TRIT1: variants seen among roughly 807,000 people sequenced by gnomAD.
The protein encoded by TRIT1 is tRNA dimethylallyltransferase.
TRIT1 carries 43 observed loss-of-function variants against 51.2 expected under a neutral mutation model. The observed-to-expected ratio is 0.84, with a 90% CI of 0.66 to 1.08. TRIT1 has a LOEUF of 1.08. TRIT1 is among the 50% of genes least tolerant of loss of function. The pLI is 0.00. For synonymous variants in TRIT1, 184 were observed against 203.9 expected (o/e 0.90, Z 0.83); for missense variants, 528 against 578.4 (o/e 0.91, Z 0.89).
intron 6 of TRIT1, 64 bp downstream of exon 6, chr1:39,847,922 G>A (rs1569983835): frequency 1.6e-5 from 23 of 1,479,294 alleles, no homozygotes; most frequent in East Asian, 1.4e-4. Context: ...CAGTATTAGC[G>A]TTATGGTCTT....
In TRIT1 at chr1:39,844,099, A is replaced by G; in HGVS notation, c.1234+2T>C. ...TTCTTCATGCCCCTCCCCATACTCT[A>G]CCTGCCCATTCGCGATCCCCAATGA... On this transcript the variant is annotated splice_donor_variant, in intron 10 of 10. Transcript: ENST00000316891. LOFTEE classifies it high-confidence loss of function. 1 of 1,610,644 alleles carries G rather than the reference A, an allele frequency of 6.2e-7. No individual in the cohort carries two copies. The highest frequency in any genetic ancestry group is 1.3e-5 in the African/African-American group (1 of 74,940).
At chr1:39,882,015 T>C (rs1438916735) in intron 1 of TRIT1, among the ~76,000 whole-genome samples, 1 of 152,260 alleles carries the variant, frequency 6.6e-6, no homozygotes, top group Non-Finnish European at 1.5e-5. Flanking sequence ...GCTCTTATTA[T>C]GTGCCATATA....
At position 39,850,240 on chromosome 1, in the gene TRIT1, T is replaced by A; in HGVS notation, c.582A>T (p.Glu194Asp). Residue 194 changes from glutamate (E) to aspartate (D), a missense_variant, in exon 5 of 11, where the codon GAA becomes GAT. Physicochemically the swap from Glu to Asp is conservative, Grantham distance 45. Coordinates refer to ENST00000316891, the MANE Select transcript of TRIT1 (RefSeq NM_017646.6). ...GAAATTCACTATGAGAGATTCCTGT[T>A]TCTTCAAAAACTTGCAAGCTCCTAA... ...KVARSLQVFE[E>D]TGISHSEFLH... 1 of 1,614,190 alleles carries A rather than the reference T, an allele frequency of 6.2e-7. No individual in the cohort carries two copies. Among genetic ancestry groups the A allele is most frequent in the Non-Finnish European group, 8.5e-7 (1 of 1,180,030 alleles).
At chr1:39,850,679 T>C (rs1354290447) in intron 4 of TRIT1, among the ~76,000 whole-genome samples, 1 of 152,194 alleles carries the variant, frequency 6.6e-6, no homozygotes, top group Non-Finnish European at 1.5e-5. Context: ...ATCAGTTAAA[T>C]AGGTTCAGAA....
At chr1:39,873,501 G>A (rs1643946126) in intron 1 of TRIT1, among the ~76,000 whole-genome samples, 1 of 152,178 alleles carries the variant, frequency 6.6e-6, no homozygotes, top group Admixed American at 6.5e-5. Flanking sequence ...GATACATGAT[G>A]ACTAACTGCA....
intron 3 of TRIT1, 32 bp downstream of exon 3, chr1:39,853,938 T>C (rs1347472458): frequency 6.9e-7 from 1 of 1,453,524 alleles, no homozygotes; most frequent in South Asian, 1.2e-5. Flanking sequence ...GCAATCCATT[T>C]CCTCAGTGAG....
At position 39,859,432 on chromosome 1, in the gene TRIT1, A is replaced by T. The variant is rs959084261; in HGVS notation, c.175-2015T>A. Reference sequence around the variant, plus strand: ...TAAACTGCGGCTCTATAAAAAATGAAAAATTAGCCAGGTGTGGTGACACAC... The same window carrying T: ...TAAACTGCGGCTCTATAAAAAATGATAAATTAGCCAGGTGTGGTGACACAC... On this transcript the variant is annotated intron_variant, in intron 1 of 10. Coordinates refer to ENST00000316891, the MANE Select transcript of TRIT1 (RefSeq NM_017646.6). 3.3e-5 allele frequency among the ~76,000 whole-genome samples: 5 copies of T among 151,796 alleles called. No individual in the cohort carries two copies. The East Asian group carries it at 9.7e-4, about 29-fold the overall frequency.
Position 39,852,063 on chromosome 1 carries a change from G to A in TRIT1, c.560+668C>T, listed in dbSNP as rs150284149. On this transcript the variant is annotated intron_variant, in intron 4 of 10. Coordinates refer to ENST00000316891, the MANE Select transcript of TRIT1 (RefSeq NM_017646.6). ...GGAAAAATATCAAATTCATTTGAGTGGAATACTTCACAACCCCTATGAATA... is the reference window on the plus strand; with the variant it reads ...GGAAAAATATCAAATTCATTTGAGTAGAATACTTCACAACCCCTATGAATA... Among the ~76,000 whole-genome samples, 529 of 152,108 alleles carry A rather than the reference G, an allele frequency of 3.5e-3. 1 individual carries two copies. Among genetic ancestry groups the A allele is most frequent in the African/African-American group, 0.012 (484 of 41,452 alleles).
intron 1 of TRIT1, among the ~76,000 whole-genome samples, chr1:39,860,734 C>T (rs1295216831): frequency 6.6e-6 from 1 of 152,144 alleles, no homozygotes; most frequent in East Asian, 1.9e-4. Flanking sequence ...TAGTTCATTT[C>T]ATTATTTGCC....
rs533854113 is a variant in TRIT1 at position 39,861,977 on chromosome 1, T to A, written c.175-4560A>T. Among the ~76,000 whole-genome samples, 10 of 149,110 alleles carry A rather than the reference T, an allele frequency of 6.7e-5. No homozygotes were observed. The South Asian group carries it at 1.9e-3, about 29-fold the overall frequency. ...AAGAAAGGCATGAAATTATCACACA[T>A]CCTACAACATGGATAACCTTGAACA... is the stretch of plus-strand genomic sequence containing the variant. On this transcript the variant is annotated intron_variant, in intron 1 of 10. Transcript: ENST00000316891.
chr1:39,850,453 G>A (rs182042160), intron 4 of TRIT1, among the ~76,000 whole-genome samples, 192 bp from the exon 5 acceptor site: 2 of 152,186 alleles, frequency 1.3e-5, no homozygotes, highest in Admixed American at 1.3e-4. Context: ...TTGAGCTCAG[G>A]AGTTCAAGAC....
At chr1:39,875,186 T>G (rs1644009010) in intron 1 of TRIT1, among the ~76,000 whole-genome samples, 1 of 152,050 alleles carries the variant, frequency 6.6e-6, no homozygotes, top group Non-Finnish European at 1.5e-5. Flanking sequence ...TCCACCCAGT[T>G]ACTTCATAAA....
chr1:39,842,815 T>C (rs1641993430), intron 10 of TRIT1, among the ~76,000 whole-genome samples: 1 of 152,200 alleles, frequency 6.6e-6, no homozygotes, highest in African/African-American at 2.4e-5. Context: ...AGGTTAGAAT[T>C]AAGAGAAAAG....
At chr1:39,882,582 C>T (rs74369148) in intron 1 of TRIT1, among the ~76,000 whole-genome samples, 1 of 152,168 alleles carries the variant, frequency 6.6e-6, no homozygotes, top group Non-Finnish European at 1.5e-5. Context: ...GGACAAAGCC[C>T]CTTCAACTTT....
At chr1:39,866,274 G>C (rs1643551142) in intron 1 of TRIT1, among the ~76,000 whole-genome samples, 1 of 152,120 alleles carries the variant, frequency 6.6e-6, no homozygotes, top group Non-Finnish European at 1.5e-5. Flanking sequence ...CCAGGTTCAA[G>C]CGATTCTCCT....
At position 39,850,188 on chromosome 1, in the gene TRIT1, C is replaced by A. The variant is rs1440134961; in HGVS notation, c.634G>T (p.Gly212Cys). The change falls in exon 5 of 11, where the codon GGT (glycine) becomes TGT (cysteine). Residue 212 changes from glycine (G) to cysteine (C), a missense_variant. Transcript: ENST00000316891. ...TTCAGAGGACCTCCAAGGGGACCAC[C>A]ACCTTCTTCCGTATGTTGACGATGG... Reference protein sequence around the residue: ...FLHRQHTEEGGGPLGGPLKFS... With the variant: ...FLHRQHTEEGCGPLGGPLKFS... The A allele has an allele frequency of 6.2e-7, 1 of 1,614,156 alleles. No homozygotes were observed. Among genetic ancestry groups the A allele is most frequent in the Admixed American group, 1.7e-5 (1 of 60,016 alleles).
intron 1 of TRIT1, among the ~76,000 whole-genome samples, chr1:39,861,568 A>G (rs1174584141): frequency 6.6e-6 from 1 of 152,200 alleles, no homozygotes; most frequent in Non-Finnish European, 1.5e-5. Context: ...GTATCCATCC[A>G]CAGATAAACA....
Position 39,851,041 on chromosome 1 carries a change from T to A in TRIT1, c.561-780A>T, listed in dbSNP as rs189852141. 2.0e-3 allele frequency among the ~76,000 whole-genome samples: 300 copies of A among 152,288 alleles called. 2 individuals carry two copies. The highest frequency in any genetic ancestry group is 6.8e-3 in the African/African-American group (283 of 41,562). On this transcript the variant is annotated intron_variant, in intron 4 of 10. Coordinates refer to ENST00000316891, the MANE Select transcript of TRIT1 (RefSeq NM_017646.6). ...TCTACACTCTACCACTCTGGGTGAT[T>A]GCAACTTATCAGCCTGAAAGTGATC...
chr1:39,859,250 G>A (rs1197701035), intron 1 of TRIT1, among the ~76,000 whole-genome samples: 6 of 101,328 alleles, frequency 5.9e-5, no homozygotes, highest in Admixed American at 4.3e-4. Flanking sequence ...AGTGAGACTC[G>A]ACTCCGTCTC....
Sources: gnomAD v4.1 joint callset for allele counts (sites outside exome capture counted in the v4.1 genomes callset) on GRCh38, gnomAD v4.1.1 for gene constraint, MANE v1.5 for transcripts, NCBI Gene and HGNC (gene_info 2026-07-23, HGNC 2026-07-21) for gene names.